ARHGEF26: variants seen among roughly 807,000 people sequenced by gnomAD.
ARHGEF26 encodes Rho guanine nucleotide exchange factor 26.
In ARHGEF26, 59 loss-of-function variants were observed where a neutral mutation model predicts 89.4. That is an observed-to-expected ratio of 0.66 (90% CI 0.54 to 0.82). The LOEUF (loss-of-function observed/expected upper bound fraction) is 0.82. Among genes scored for constraint, ARHGEF26 ranks in the 40% least tolerant of loss-of-function variants. The pLI is 0.00. For synonymous variants in ARHGEF26, 500 were observed against 428.4 expected (o/e 1.17, Z -2.06); for missense variants, 1,234 against 1,085.6 (o/e 1.14, Z -1.92).
chr3:154,127,763 A>G (rs777211024), intron 3 of ARHGEF26, among the ~76,000 whole-genome samples: 2 of 150,906 alleles, frequency 1.3e-5, no homozygotes, highest in Non-Finnish European at 2.9e-5. Context: ...TGGCAGTACA[A>G]TCGGTTTGTT....
chr3:154,173,753 T>A (rs1176689899), intron 6 of ARHGEF26, among the ~76,000 whole-genome samples: 1 of 152,206 alleles, frequency 6.6e-6, no homozygotes, highest in East Asian at 1.9e-4. Flanking sequence ...AGAGGTTTGC[T>A]TATTCTTTTC....
intron 6 of ARHGEF26, among the ~76,000 whole-genome samples, chr3:154,186,136 G>GACACACAC (rs60675240): frequency 0.42 from 61,590 of 146,728 alleles, 13,188 homozygotes; most frequent in Non-Finnish European, 0.48. Context: ...CACACACTTA[G>GACACACAC]ACACACACAC....
At chr3:154,255,230 T>C (rs1192173333) in intron 14 of ARHGEF26, 101 bp from the exon 15 acceptor site, 1 of 1,254,348 alleles carries the variant, frequency 8.0e-7, no homozygotes, top group African/African-American at 1.5e-5. Context: ...CCGTAGCACT[T>C]AGCCTGGGGA....
At chr3:154,164,272 A>T (rs2108123910) in intron 6 of ARHGEF26, among the ~76,000 whole-genome samples, 1 of 152,222 alleles carries the variant, frequency 6.6e-6, no homozygotes, top group East Asian at 1.9e-4. Context: ...AATCACCTAT[A>T]TGCTAAGAAG....
At chr3:154,194,811 A>G in intron 9 of ARHGEF26, 93 bp downstream of exon 9, 1 of 1,028,824 alleles carries the variant, frequency 9.7e-7, no homozygotes, top group Non-Finnish European at 1.5e-6. Flanking sequence ...GAAAACTGGT[A>G]GAGTCTCACA....
intron 10 of ARHGEF26, among the ~76,000 whole-genome samples, chr3:154,219,939 A>ACAAAAGAAAC (rs1553749162): frequency 6.6e-6 from 1 of 151,402 alleles, no homozygotes. Context: ...CAAAAAACAA[A>ACAAAAGAAAC]CAAAAAAGTA....
rs1716445649 is a variant in ARHGEF26, at chr3:154,225,747, A to G, written c.1936-109A>G. 4 of 1,189,924 alleles carry G rather than the reference A, an allele frequency of 3.4e-6. No homozygotes were observed. In the South Asian group the frequency reaches 6.7e-5, roughly 20 times the overall value. The allele number at this position is 1,189,924 out of a possible 1,614,324, so 73.7% of individuals were successfully genotyped here. A position where few individuals can be genotyped will look rare whatever the true frequency, so the allele number is the denominator to read the frequency against. ...TTATATGCCTATAAAACAATGATGC[A>G]TACTATGATAAGTATCATTTGTTTG... is the stretch of plus-strand genomic sequence containing the variant. On this transcript the variant is annotated intron_variant, in intron 10 of 14. Transcript: ENST00000465093.
At chr3:154,156,986 A>G (rs1283952222) in intron 6 of ARHGEF26, among the ~76,000 whole-genome samples, 2 of 152,120 alleles carry the variant, frequency 1.3e-5, no homozygotes, top group Non-Finnish European at 2.9e-5. Flanking sequence ...ATCCAAATTA[A>G]CAGTGTGTTG....
Position 154,129,609 on chromosome 3 carries a change from G to A in ARHGEF26, c.1159G>A (p.Ala387Thr). 2 of 1,611,688 alleles carry A rather than the reference G, an allele frequency of 1.2e-6. No homozygotes were observed. Among genetic ancestry groups the A allele is most frequent in the Non-Finnish European group, 1.7e-6 (2 of 1,178,836 alleles). Residue 387 changes from alanine to threonine, a missense_variant, in exon 4 of 15, where the codon GCC (alanine) becomes ACC (threonine). Ala to Thr is a moderately conservative substitution (Grantham distance 58, BLOSUM62 0). Transcript: ENST00000465093. ...AVLYQNYKEK[A>T]LDIDSDEESE... ...CCTGTATCAAAACTACAAGGAAAAG[G>A]CCCTTGACATTGATTCTGATGAAGA...
chr3:154,130,979 T>G (rs1302094246), intron 4 of ARHGEF26, among the ~76,000 whole-genome samples: 2 of 152,202 alleles, frequency 1.3e-5, no homozygotes, highest in Non-Finnish European at 2.9e-5. Context: ...TCTTCTAACC[T>G]GTATTGGAAT....
intron 3 of ARHGEF26, among the ~76,000 whole-genome samples, chr3:154,126,766 T>C (rs1208746828): frequency 6.6e-6 from 1 of 151,994 alleles, no homozygotes; most frequent in African/African-American, 2.4e-5. Flanking sequence ...ACGTTGACTT[T>C]CCCTAGTTCT....
intron 12 of ARHGEF26, among the ~76,000 whole-genome samples, chr3:154,249,100 T>TA (rs1424944388): frequency 6.6e-6 from 1 of 152,152 alleles, no homozygotes; most frequent in African/African-American, 2.4e-5. Context: ...TTGGGAGGGA[T>TA]AAAAGGAAGG....
chr3:154,216,086 A>T (rs181459883), intron 9 of ARHGEF26, among the ~76,000 whole-genome samples: 25 of 152,170 alleles, frequency 1.6e-4, no homozygotes, highest in African/African-American at 6.0e-4. Context: ...GTAGGTCAGG[A>T]CCTTTTATGG....
intron 6 of ARHGEF26, among the ~76,000 whole-genome samples, chr3:154,169,697 A>T (rs770867565): frequency 1.3e-5 from 2 of 152,136 alleles, no homozygotes; most frequent in Non-Finnish European, 2.9e-5. Flanking sequence ...AATCAACAAT[A>T]TGTCATAGTT....
intron 11 of ARHGEF26, among the ~76,000 whole-genome samples, chr3:154,235,824 C>G (rs578209005): frequency 6.6e-6 from 1 of 152,320 alleles, no homozygotes; most frequent in African/African-American, 2.4e-5. Context: ...TCTTCCTCCT[C>G]TTCTCCAGAG....
intron 10 of ARHGEF26, among the ~76,000 whole-genome samples, chr3:154,221,544 G>A (rs1576797569): frequency 6.6e-6 from 1 of 152,146 alleles, no homozygotes; most frequent in Admixed American, 6.5e-5. Context: ...AGTGTTGTTT[G>A]TAATAGTGAA....
rs1029427519 is a variant in ARHGEF26, at chr3:154,256,862, C to T, written c.*1389C>T. 6.5e-7 allele frequency: 1 copy of T among 1,531,508 alleles called. No homozygotes were observed. The highest frequency in any genetic ancestry group is 1.4e-5 in the African/African-American group (1 of 72,624). 94.9% of individuals were successfully genotyped at this position (1,531,508 alleles called of 1,614,324 possible). A position where few individuals can be genotyped will look rare whatever the true frequency, so the allele number is the denominator to read the frequency against. Reference sequence around the variant, plus strand: ...AGTTTCTATAGAACTTTACTTTTTCCACTAGTGCACAGAGAGAGAAAGGTT... The same window carrying T: ...AGTTTCTATAGAACTTTACTTTTTCTACTAGTGCACAGAGAGAGAAAGGTT... On this transcript the variant is annotated 3_prime_UTR_variant, in exon 15 of 15. Coordinates refer to ENST00000465093, the MANE Select transcript of ARHGEF26 (RefSeq NM_015595.4).
intron 1 of ARHGEF26, 103 bp from the exon 2 acceptor site, chr3:154,121,839 G>T: frequency 9.5e-7 from 1 of 1,055,758 alleles, no homozygotes; most frequent in South Asian, 1.7e-5. Context: ...GTGCAGTCGT[G>T]TCCTGCGCAG....
chr3:154,148,405 C>A (rs1438388298), intron 4 of ARHGEF26, among the ~76,000 whole-genome samples: 1 of 152,144 alleles, frequency 6.6e-6, no homozygotes, highest in African/African-American at 2.4e-5. Flanking sequence ...TAATACTTTA[C>A]CTTTGTCAAA....
Sources: allele counts gnomAD v4.1 joint callset (sites outside exome capture counted in the v4.1 genomes callset), GRCh38; gene constraint gnomAD v4.1.1; transcripts MANE v1.5; gene names NCBI Gene and HGNC (gene_info 2026-07-23, HGNC 2026-07-21).